RPH3A: variants seen among roughly 807,000 people sequenced by gnomAD.
The protein encoded by RPH3A is rabphilin-3A.
In RPH3A, 48 loss-of-function variants were observed where a neutral mutation model predicts 102.2. The observed-to-expected ratio is 0.47, with a 90% CI of 0.37 to 0.60. The LOEUF is 0.60. Ranked by LOEUF, RPH3A falls within the 20% of genes least tolerant of loss-of-function variation. The probability of loss-of-function intolerance (pLI) is 0.00; values close to 1 mark genes in which losing one functional copy is unlikely to be tolerated. For missense variants in RPH3A, 781 were observed against 910.1 expected, an observed-to-expected ratio of 0.86 and a Z score of 1.83; for synonymous variants, 310 against 324.3, an observed-to-expected ratio of 0.96 and a Z score of 0.47.
At chr12:112,870,778 G>T (rs1009847744) in intron 10 of RPH3A, among the ~76,000 whole-genome samples, 1 of 152,030 alleles carries the variant, frequency 6.6e-6, no homozygotes, top group Non-Finnish European at 1.5e-5. Context: ...AACAGAGCTG[G>T]GCACGTACCT....
intron 1 of RPH3A, chr12:112,617,640 G>C (rs879613751): frequency 6.6e-6 from 1 of 152,264 alleles, no homozygotes; most frequent in Non-Finnish European, 1.5e-5. Flanking sequence ...TTGCAATGCA[G>C]AGGAGGAGTT....
intron 1 of RPH3A, among the ~76,000 whole-genome samples, chr12:112,636,207 A>C (rs1297244627): frequency 4.6e-5 from 7 of 152,194 alleles, no homozygotes; most frequent in African/African-American, 1.7e-4. Context: ...TCACATGTGC[A>C]TTCCAGCCAA....
intron 1 of RPH3A, among the ~76,000 whole-genome samples, chr12:112,612,221 C>A (rs559348481): frequency 6.6e-6 from 1 of 152,268 alleles, no homozygotes; most frequent in South Asian, 2.1e-4. Context: ...TTAATTAGAG[C>A]CTTTACTGCA....
intron 2 of RPH3A, among the ~76,000 whole-genome samples, chr12:112,793,722 A>G (rs146679911): frequency 6.6e-6 from 1 of 152,366 alleles, no homozygotes; most frequent in African/African-American, 2.4e-5. Context: ...AAAGAACCAC[A>G]TATCTGGCTA....
rs761997407 is a variant in RPH3A at position 112,881,857 on chromosome 12, G to A, written c.1326+11G>A. The A allele has an allele frequency of 2.5e-6, 4 of 1,607,118 alleles. No homozygotes were observed. The Admixed American group carries it at 6.7e-5, about 27-fold the overall frequency. ...CCGGGAGCCAGCAAGGTACCATATGGCCTGGGCTTCTCTGCAAACCGGGTG... is the reference window on the plus strand; with the variant it reads ...CCGGGAGCCAGCAAGGTACCATATGACCTGGGCTTCTCTGCAAACCGGGTG... On this transcript the variant is annotated intron_variant, in intron 15 of 21. Transcript: ENST00000389385.
chr12:112,896,254 G>A (rs1268593159), intron 21 of RPH3A, among the ~76,000 whole-genome samples: 1 of 152,188 alleles, frequency 6.6e-6, no homozygotes, highest in Non-Finnish European at 1.5e-5. Flanking sequence ...AAGCAGGGGG[G>A]TGGGGACTCC....
In RPH3A at chr12:112,837,798, G is replaced by T. The variant is rs1408707156; in HGVS notation, c.83+1296G>T. ...GGTTCTTAGAGGCTTCATGAATGCT[G>T]CAGGTTGAAAGGTAGCATGTTCATC... On this transcript the variant is annotated intron_variant, in intron 4 of 21. Transcript: ENST00000389385. 4 of 455,912 alleles carry T rather than the reference G, an allele frequency of 8.8e-6. No homozygotes were observed. The Admixed American group carries it at 9.4e-5, about 11-fold the overall frequency. 28.2% of individuals were successfully genotyped at this position (455,912 alleles called of 1,614,324 possible). A position where few individuals can be genotyped will look rare whatever the true frequency, so the allele number is the denominator to read the frequency against.
intron 18 of RPH3A, 115 bp downstream of exon 18, chr12:112,890,195 C>G (rs910472923): frequency 6.4e-6 from 6 of 934,616 alleles, no homozygotes; most frequent in East Asian, 2.4e-5. Context: ...CCAACCACCC[C>G]CCTGTTGATT....
At chr12:112,652,572 G>T (rs1389026046) in intron 1 of RPH3A, among the ~76,000 whole-genome samples, 1 of 152,218 alleles carries the variant, frequency 6.6e-6, no homozygotes, top group Non-Finnish European at 1.5e-5. Context: ...GAGTGACCCA[G>T]GAGAGAACAG....
At chr12:112,672,165 T>C (rs908433426) in intron 1 of RPH3A, among the ~76,000 whole-genome samples, 3 of 151,506 alleles carry the variant, frequency 2.0e-5, no homozygotes, top group Admixed American at 6.6e-5. Context: ...CAGGCAAGAG[T>C]TGATGTGGCA....
rs147001105 is a variant in RPH3A, at chr12:112,777,755, C to T, written c.-139-14388C>T. 6.1e-3 allele frequency among the ~76,000 whole-genome samples: 927 copies of T among 152,312 alleles called. 7 individuals carry two copies. The highest frequency in any genetic ancestry group is 0.021 in the African/African-American group (856 of 41,574). On this transcript the variant is annotated intron_variant, in intron 1 of 21. Coordinates refer to the RPH3A transcript ENST00000543106. Reference sequence around the variant, plus strand: ...TACTTCCAAAGGAGAGAGATTGAGGCTTGAGTCAGAAATGCAGCACAGGCT... The same window carrying T: ...TACTTCCAAAGGAGAGAGATTGAGGTTTGAGTCAGAAATGCAGCACAGGCT...
At chr12:112,654,243 C>T (rs2135999064) in intron 1 of RPH3A, among the ~76,000 whole-genome samples, 1 of 152,290 alleles carries the variant, frequency 6.6e-6, no homozygotes, top group Middle Eastern at 3.4e-3. Context: ...ACACCATGAA[C>T]ATTCCCCTCT....
chr12:112,896,509 G>A (rs940072833), intron 21 of RPH3A, 141 bp from the exon 22 acceptor site: 4 of 933,786 alleles, frequency 4.3e-6, no homozygotes, highest in East Asian at 2.4e-5. Context: ...CAGCAGCAAC[G>A]TTATAACAAC....
intron 1 of RPH3A, among the ~76,000 whole-genome samples, chr12:112,618,983 C>T (rs1224760431): frequency 6.6e-6 from 1 of 152,200 alleles, no homozygotes; most frequent in South Asian, 2.1e-4. Flanking sequence ...GCGTCTTTCA[C>T]TTAGCATCGT....
chr12:112,710,822 T>A (rs1381710073), intron 1 of RPH3A, among the ~76,000 whole-genome samples: 2 of 152,220 alleles, frequency 1.3e-5, no homozygotes, highest in South Asian at 4.1e-4. Context: ...TTTCTGTGTA[T>A]TTTTTATTAC....
chr12:112,843,685 C>A (rs1438349120), intron 4 of RPH3A, among the ~76,000 whole-genome samples: 1 of 152,116 alleles, frequency 6.6e-6, no homozygotes, highest in East Asian at 1.9e-4. Flanking sequence ...GGGAACTAAG[C>A]CTAGAATCTC....
chr12:112,832,045 T>G (rs1472613313), intron 3 of RPH3A, among the ~76,000 whole-genome samples: 1 of 152,180 alleles, frequency 6.6e-6, no homozygotes, highest in Non-Finnish European at 1.5e-5. Flanking sequence ...TTTCTTCGAT[T>G]CTCCCTATTT....
chr12:112,860,167 T>C (rs1179379965), intron 5 of RPH3A, among the ~76,000 whole-genome samples: 1 of 152,216 alleles, frequency 6.6e-6, no homozygotes, highest in Non-Finnish European at 1.5e-5. Flanking sequence ...TAGTTTAAAG[T>C]CTTAAGCTGT....
intron 1 of RPH3A, among the ~76,000 whole-genome samples, chr12:112,774,895 A>C (rs985004774): frequency 2.0e-5 from 3 of 152,234 alleles, no homozygotes; most frequent in Non-Finnish European, 4.4e-5. Flanking sequence ...TCTGTGCAGC[A>C]AACCAGCATG....
Sources: allele counts gnomAD v4.1 joint callset (sites outside exome capture counted in the v4.1 genomes callset), GRCh38; gene constraint gnomAD v4.1.1; transcripts MANE v1.5; gene names NCBI Gene and HGNC (gene_info 2026-07-23, HGNC 2026-07-21).